Variants in PCNX3 observed in about 807,000 individuals in gnomAD.
PCNX3 encodes pecanex 3.
A neutral mutation model predicts 207.2 loss-of-function variants in PCNX3; 58 were observed. The observed-to-expected ratio is 0.28, with a 90% confidence interval of 0.23 to 0.35. The LOEUF is 0.35. Ranked by LOEUF, PCNX3 falls within the 10% of genes least tolerant of loss-of-function variation. The pLI, the probability that PCNX3 is intolerant of heterozygous loss-of-function variation, is 1.00. For synonymous variants in PCNX3, 1,337 were observed against 1,183.5 expected (o/e 1.13, Z -2.66); for missense variants, 2,410 against 2,774.4 (o/e 0.87, Z 2.95).
In PCNX3 at chr11:65,625,429, C is replaced by G; in HGVS notation, c.3054C>G (p.Phe1018Leu). 6.2e-7 allele frequency: 1 copy of G among 1,605,528 alleles called. No individual in the cohort carries two copies. Among genetic ancestry groups the G allele is most frequent in the Non-Finnish European group, 8.5e-7 (1 of 1,179,104 alleles). ...VLWSLIRSKLFPELEERSLET... is the reference protein window; with the variant it reads ...VLWSLIRSKLLPELEERSLET... ...GGTCTCTGATCCGGAGCAAGCTGTT[C>G]CCTGAGCTGGAGGAGCGCAGCTTGG... Residue 1018 changes from phenylalanine (F) to leucine (L), a missense_variant, in exon 18 of 35, where the codon TTC becomes TTG. By Grantham distance (22) the Phe-to-Leu change is conservative. Transcript: ENST00000355703. This position sits in a 1 kb window ranked among gnomAD's most constrained non-coding sequence, Gnocchi z 5.6.
chr11:65,630,655 C>A, intron 27 of PCNX3, 51 bp downstream of exon 27: 1 of 1,579,868 alleles, frequency 6.3e-7, no homozygotes, highest in Non-Finnish European at 8.6e-7. Flanking sequence ...GGTGAGCGCT[C>A]GCTGACCAGA....
chr11:65,624,679 C>A, intron 15 of PCNX3, 98 bp downstream of exon 15: 1 of 1,176,834 alleles, frequency 8.5e-7, no homozygotes. Flanking sequence ...GAACCTTCTC[C>A]TGCGTCTGTA....
At chr11:65,628,981 CA>C in intron 24 of PCNX3, 33 bp downstream of exon 24, 1 of 1,606,396 alleles carries the variant, frequency 6.2e-7, no homozygotes, top group East Asian at 2.2e-5. Flanking sequence ...GCATGCCCAG[CA>C]GGGCAGGAAG....
In PCNX3 at chr11:65,616,979, A is replaced by G. The variant is rs1214823191; in HGVS notation, c.309A>G (p.Glu103=). 8 of 1,612,478 alleles carry G rather than the reference A, an allele frequency of 5.0e-6. No individual in the cohort carries two copies. The highest frequency in any genetic ancestry group is 4.4e-5 in the South Asian group (4 of 91,012). ...KRSSTMGELE[E]EPAQGDSNPP... ...GCTCTACCATGGGGGAGCTGGAGGA[A>G]GAGCCTGCCCAGGGGGACAGCAATC... The change falls in exon 2 of 35, where the codon GAA becomes GAG. Residue 103 remains glutamate (E), a synonymous_variant. Coordinates refer to ENST00000355703, the MANE Select transcript of PCNX3 (RefSeq NM_032223.4).
At chr11:65,624,442 A>G in intron 14 of PCNX3, 29 bp from the exon 15 acceptor site, 1 of 1,564,658 alleles carries the variant, frequency 6.4e-7, no homozygotes, top group Non-Finnish European at 8.7e-7. Context: ...CAGCAGGCTG[A>G]CCAGGCCTTC....
chr11:65,617,168 A>G (rs1273206214), intron 2 of PCNX3, 82 bp from the exon 3 acceptor site: 5 of 1,441,266 alleles, frequency 3.5e-6, no homozygotes, highest in Non-Finnish European at 4.7e-6. Context: ...ACTTCTGAAA[A>G]AGAAGCAGTG....
intron 28 of PCNX3, 60 bp downstream of exon 28, chr11:65,634,416 C>G: frequency 6.6e-7 from 1 of 1,514,532 alleles, no homozygotes. Context: ...TTCCCTGCTC[C>G]CCTTCTCCCC....
chr11:65,622,907 A>G (rs1471708043), intron 11 of PCNX3, among the ~76,000 whole-genome samples: 4 of 151,804 alleles, frequency 2.6e-5, no homozygotes, highest in Non-Finnish European at 5.9e-5. Flanking sequence ...CGGCCATCCT[A>G]TTCACTTTTT....
Position 65,629,663 on chromosome 11 carries a change from A to C in PCNX3, c.4144A>C (p.Asn1382His). The C allele has an allele frequency of 6.3e-7, 1 of 1,583,314 alleles. No homozygotes were observed. The change falls in exon 26 of 35, where the codon AAC becomes CAC. Residue 1382 changes from asparagine to histidine, a missense_variant. By Grantham distance (68) the Asn-to-His change is moderately conservative (BLOSUM62 1). Coordinates refer to ENST00000355703, the MANE Select transcript of PCNX3 (RefSeq NM_032223.4). ...CTTCGTCCTGGCCTCTGACTACCTC[A>C]ACGCCCTGGTGCACCTCATCGAGGT... ...DCFVLASDYL[N>H]ALVHLIEVGN...
At chr11:65,621,104 A>G (rs2135421001) in intron 10 of PCNX3, 138 bp downstream of exon 10, 1 of 1,165,260 alleles carries the variant, frequency 8.6e-7, no homozygotes, top group Non-Finnish European at 1.2e-6. Flanking sequence ...CAGGGGCCCT[A>G]CTGTGTCTGT....
Position 65,636,413 on chromosome 11 carries a change from A to G in PCNX3, c.5616A>G (p.Pro1872=), listed in dbSNP as rs779704694. 2.6e-6 allele frequency: 4 copies of G among 1,555,652 alleles called. No individual in the cohort carries two copies. In the African/African-American group the frequency reaches 4.1e-5, roughly 16 times the overall value. The change falls in exon 34 of 35, where the codon CCA becomes CCG. Residue 1872 remains proline, a synonymous_variant. Coordinates refer to ENST00000355703, the MANE Select transcript of PCNX3 (RefSeq NM_032223.4). ...NTAGNGDQPL[P]PGPGWGPRSS... ...CAGGCAATGGTGACCAACCCCTCCCACCAGGCCCTGGCTGGGGGCCGCGGT... is the reference window on the plus strand; with the variant it reads ...CAGGCAATGGTGACCAACCCCTCCCGCCAGGCCCTGGCTGGGGGCCGCGGT...
intron 27 of PCNX3, 32 bp from the exon 28 acceptor site, chr11:65,634,094 C>T (rs769643217): frequency 6.3e-7 from 1 of 1,582,160 alleles, no homozygotes; most frequent in East Asian, 2.3e-5. Flanking sequence ...AGGGCCGGGA[C>T]CCCGGCCTGA....
intron 13 of PCNX3, 60 bp downstream of exon 13, chr11:65,624,021 T>TGGG (rs1855249810): frequency 6.2e-7 from 1 of 1,602,916 alleles, no homozygotes; most frequent in Middle Eastern, 1.7e-4. Flanking sequence ...TGAGACCAGG[T>TGGG]GGGGAGGAGG....
chr11:65,630,951 GATC>G (rs751395584), intron 27 of PCNX3, among the ~76,000 whole-genome samples: 2 of 152,240 alleles, frequency 1.3e-5, no homozygotes, highest in Non-Finnish European at 2.9e-5. Flanking sequence ...TCACGTTAAC[GATC>G]ATCATGGGAG....
At position 65,616,227 on chromosome 11, in the gene PCNX3, C is replaced by A; in HGVS notation, c.-85C>A. ...GTGAGCGTGAGGCCGGGCCCCGGGGCCCTCAGGCGCCAGACGGGGCATGGG... is the reference window on the plus strand; with the variant it reads ...GTGAGCGTGAGGCCGGGCCCCGGGGACCTCAGGCGCCAGACGGGGCATGGG... On this transcript the variant is annotated 5_prime_UTR_variant, in exon 1 of 35. Coordinates refer to ENST00000355703, the MANE Select transcript of PCNX3 (RefSeq NM_032223.4). 1.7e-6 allele frequency: 2 copies of A among 1,146,980 alleles called. No homozygotes were observed. Among genetic ancestry groups the A allele is most frequent in the Non-Finnish European group, 2.3e-6 (2 of 864,646 alleles). The allele number at this position is 1,146,980 out of a possible 1,614,324, so 71.1% of individuals were successfully genotyped here. A position where few individuals can be genotyped will look rare whatever the true frequency, so the allele number is the denominator to read the frequency against.
At position 65,625,057 on chromosome 11, in the gene PCNX3, A is replaced by G. The variant is rs1428672415; in HGVS notation, c.2919+41A>G. ...GAGGTGGGGGCATGCTGCAGTGCGTAAGGGTGGTTGGGGCGGGGCTGTGAA... is the reference window on the plus strand; with the variant it reads ...GAGGTGGGGGCATGCTGCAGTGCGTGAGGGTGGTTGGGGCGGGGCTGTGAA... On this transcript the variant is annotated intron_variant, in intron 16 of 34. Transcript: ENST00000355703. The surrounding 1 kb of genome is among the most constrained non-coding windows in gnomAD (Gnocchi z 5.6). 6.3e-7 allele frequency: 1 copy of G among 1,591,644 alleles called. No individual in the cohort carries two copies. The highest frequency in any genetic ancestry group is 8.6e-7 in the Non-Finnish European group (1 of 1,165,004).
chr11:65,628,177 C>T (rs1855479415), intron 22 of PCNX3, among the ~76,000 whole-genome samples: 2 of 152,194 alleles, frequency 1.3e-5, no homozygotes, highest in African/African-American at 2.4e-5. Context: ...CGGTCATCCA[C>T]ACTGCGTACC....
At position 65,625,358 on chromosome 11, in the gene PCNX3, CG is replaced by C. The variant is rs770932913; in HGVS notation, c.3030-41del. On this transcript the variant is annotated intron_variant, in intron 17 of 34. Transcript: ENST00000355703. This position sits in a 1 kb window ranked among gnomAD's most constrained non-coding sequence, Gnocchi z 5.6. ...CTGTGCATGTGCCCGTGACTGGGGC[CG>C]GGGGGAAGGAGGGGCGGCCTCCTCC... 5.6e-6 allele frequency: 9 copies of C among 1,593,448 alleles called. No homozygotes were observed. The highest frequency in any genetic ancestry group is 2.7e-5 in the African/African-American group (2 of 74,652).
chr11:65,626,803 C>T (rs142411406), intron 20 of PCNX3, 101 bp from the exon 21 acceptor site: 46 of 1,512,582 alleles, frequency 3.0e-5, no homozygotes, highest in Middle Eastern at 4.7e-4. Flanking sequence ...CCAGGGTCTC[C>T]GAGGAGTCAG....
Sources: gnomAD v4.1 joint callset for allele counts (sites outside exome capture counted in the v4.1 genomes callset) on GRCh38, gnomAD v4.1.1 for gene constraint, Gnocchi (gnomAD v3.1) non-coding constraint, MANE v1.5 for transcripts, NCBI Gene and HGNC (gene_info 2026-07-23, HGNC 2026-07-21) for gene names.